The following CRB1 variants were observed in gnomAD, a reference collection of about 807,000 sequenced individuals.
CRB1 encodes protein crumbs homolog 1.
CRB1 carries 83 observed loss-of-function variants against 120.0 expected under a neutral mutation model. That is an observed-to-expected ratio of 0.69 (90% CI 0.58 to 0.83). The LOEUF is 0.83. CRB1 is among the 40% of genes least tolerant of loss of function. CRB1 has a pLI of 0.00. For synonymous variants in CRB1, 625 were observed against 612.5 expected, an observed-to-expected ratio of 1.02 and a Z score of -0.30; for missense variants, 1,699 against 1,687.6, an observed-to-expected ratio of 1.01 and a Z score of -0.12.
chr1:197,276,898 A>G (rs1290951546), intron 1 of CRB1, among the ~76,000 whole-genome samples: 1 of 151,984 alleles, frequency 6.6e-6, no homozygotes, highest in Non-Finnish European at 1.5e-5. Flanking sequence ...CACAGCTACA[A>G]GGGGATACAA....
chr1:197,310,673 A>T (rs2125271417), intron 1 of CRB1, among the ~76,000 whole-genome samples: 1 of 152,316 alleles, frequency 6.6e-6, no homozygotes, highest in Non-Finnish European at 1.5e-5. Context: ...TTCAGTGAAT[A>T]AAAAAGAAGT....
chr1:197,453,779 T>TATTATTAATATATTAACAATAATA (rs1666106067), intron 11 of CRB1, among the ~76,000 whole-genome samples: 2 of 143,918 alleles, frequency 1.4e-5, no homozygotes, highest in Non-Finnish European at 3.0e-5. Flanking sequence ...CTTATTATTA[T>TATTATTAATATATTAACAATAATA]TATTATATTA....
intron 9 of CRB1, among the ~76,000 whole-genome samples, chr1:197,437,022 T>C (rs1348649195): frequency 6.6e-6 from 1 of 152,148 alleles, no homozygotes; most frequent in Non-Finnish European, 1.5e-5. Flanking sequence ...CTAAGTCACA[T>C]TGCTTCAGTA....
chr1:197,411,390 G>A (rs935454396), intron 5 of CRB1, among the ~76,000 whole-genome samples: 4 of 152,194 alleles, frequency 2.6e-5, no homozygotes, highest in Non-Finnish European at 5.9e-5. Flanking sequence ...TGTACATTAT[G>A]TAAGTGTTAA....
chr1:197,205,502 T>C, the CRB1 span, among the ~76,000 whole-genome samples: 2 of 152,210 alleles, frequency 1.3e-5, no homozygotes, highest in African/African-American at 2.4e-5. Flanking sequence ...TCTATTAAGA[T>C]GATCATGTGA....
chr1:197,267,257 A>G (rs1470058128), upstream of CRB1, among the ~76,000 whole-genome samples: 3 of 152,196 alleles, frequency 2.0e-5, no homozygotes, highest in Non-Finnish European at 4.4e-5. Context: ...GAGGGGAGGA[A>G]AAAATCTTTA....
intron 11 of CRB1, among the ~76,000 whole-genome samples, chr1:197,445,791 T>A (rs1203000850): frequency 6.6e-6 from 1 of 152,358 alleles, no homozygotes; most frequent in South Asian, 2.1e-4. Flanking sequence ...ATTCAACAAA[T>A]GTTTAATGTA....
chr1:197,339,812 C>G, intron 2 of CRB1, among the ~76,000 whole-genome samples: 1 of 152,102 alleles, frequency 6.6e-6, no homozygotes, highest in East Asian at 1.9e-4. Flanking sequence ...ATTCTGAAAC[C>G]ATAATAGGTT....
At chr1:197,380,771 C>G (rs1229441941) in intron 5 of CRB1, among the ~76,000 whole-genome samples, 4 of 152,096 alleles carry the variant, frequency 2.6e-5, no homozygotes, top group Non-Finnish European at 5.9e-5. Flanking sequence ...CCTTTTTTGC[C>G]TTTGAATTCT....
At chr1:197,346,462 A>G (rs918802893) in intron 3 of CRB1, among the ~76,000 whole-genome samples, 12 of 152,214 alleles carry the variant, frequency 7.9e-5, no homozygotes, top group African/African-American at 2.2e-4. Flanking sequence ...CAAATGGAAT[A>G]CTGAATAGAT....
rs1350306887 is a variant in CRB1 at position 197,421,598 on chromosome 1, A to C, written c.1770A>C (p.Lys590Asn). Residue 590 changes from lysine to asparagine, a missense_variant, in exon 6 of 12, where the codon AAA (lysine) becomes AAC (asparagine). By Grantham distance (94) the Lys-to-Asn change is moderately conservative. Coordinates refer to ENST00000367400, the MANE Select transcript of CRB1 (RefSeq NM_201253.3). ...TAATCGACGACTCCTGTAAGGAGAA[A>C]TGCATCGCGAAAGCTCCTACTCCAC... is the stretch of plus-strand genomic sequence containing the variant. ...LTLIDDSCKE[K>N]CIAKAPTPLE... 3 of 1,614,236 alleles carry C rather than the reference A, an allele frequency of 1.9e-6. No homozygotes were observed. The highest frequency in any genetic ancestry group is 2.5e-6 in the Non-Finnish European group (3 of 1,180,040).
At position 197,312,351 on chromosome 1, in the gene CRB1, G is replaced by A. The variant is rs141813854; in HGVS notation, c.71-16071G>A. ...GGCCGAGATGGATGAATCACCTGAG[G>A]TCAGGAGTTAGAGATAAGCCTGGCC... On this transcript the variant is annotated intron_variant, in intron 1 of 11. Coordinates refer to ENST00000367400, the MANE Select transcript of CRB1 (RefSeq NM_201253.3). 3.1e-3 allele frequency among the ~76,000 whole-genome samples: 478 copies of A among 152,242 alleles called. 1 individual carries two copies. The highest frequency in any genetic ancestry group is 0.014 in the Middle Eastern group (4 of 294).
intron 1 of CRB1, among the ~76,000 whole-genome samples, chr1:197,327,089 A>AC (rs1658537191): frequency 1.0e-5 from 1 of 96,382 alleles, no homozygotes; most frequent in African/African-American, 4.7e-5. Context: ...ATTCTCACAC[A>AC]CCAAAAAAAA....
rs765722225 is a variant in CRB1, at chr1:197,477,729, G to A, written c.4071G>A (p.Leu1357=). 1.9e-5 allele frequency: 30 copies of A among 1,613,758 alleles called. No homozygotes were observed. In the Admixed American group the frequency reaches 4.0e-4, roughly 22 times the overall value. The part of the protein sequence containing the change: ...TIGSVTVALL[L]ILLLAIVASV... ...GCTCAGTGACTGTCGCCTTGTTACT[G>A]ATCCTCTTGCTGGCCATTGTTGCTT... The change falls in exon 12 of 12, where the codon CTG becomes CTA. Residue 1357 remains leucine, a synonymous_variant. Transcript: ENST00000367400.
At chr1:197,409,452 C>G (rs1225125964) in intron 5 of CRB1, among the ~76,000 whole-genome samples, 1 of 152,018 alleles carries the variant, frequency 6.6e-6, no homozygotes, top group African/African-American at 2.4e-5. Context: ...AATTTTGTAT[C>G]TTATTGACGA....
chr1:197,360,887 G>A (rs903405676), intron 5 of CRB1, among the ~76,000 whole-genome samples: 1 of 152,174 alleles, frequency 6.6e-6, no homozygotes, highest in African/African-American at 2.4e-5. Flanking sequence ...TTTACCATTA[G>A]CTATGAATTT....
At chr1:197,362,798 C>G (rs532165455) in intron 5 of CRB1, among the ~76,000 whole-genome samples, 2 of 152,134 alleles carry the variant, frequency 1.3e-5, no homozygotes, top group East Asian at 1.9e-4. Context: ...GTATATCAAA[C>G]AGCAAATTGT....
the CRB1 span, among the ~76,000 whole-genome samples, chr1:197,261,481 G>A: frequency 2.0e-5 from 3 of 152,256 alleles, no homozygotes; most frequent in South Asian, 6.2e-4. Context: ...AGAAAAGCAA[G>A]TTGCAGAATA....
chr1:197,366,662 C>G (rs1571406535), intron 5 of CRB1, among the ~76,000 whole-genome samples: 1 of 152,028 alleles, frequency 6.6e-6, no homozygotes, highest in East Asian at 1.9e-4. Flanking sequence ...CAAATGAAAA[C>G]AGGAACTCAA....
Sources: gnomAD v4.1 joint callset for allele counts (sites outside exome capture counted in the v4.1 genomes callset) on GRCh38, gnomAD v4.1.1 for gene constraint, MANE v1.5 for transcripts, NCBI Gene and HGNC (gene_info 2026-07-23, HGNC 2026-07-21) for gene names.